CDH18: variants seen among roughly 807,000 people sequenced by gnomAD.
The protein encoded by CDH18 is cadherin 18.
A neutral mutation model predicts 67.9 loss-of-function variants in CDH18; 31 were observed. The observed-to-expected ratio is 0.46, with a 90% confidence interval of 0.34 to 0.62. The LOEUF is 0.62. Ranked by LOEUF, CDH18 falls within the 20% of genes least tolerant of loss-of-function variation. The probability of loss-of-function intolerance (pLI) is 0.01; values close to 1 mark genes in which losing one functional copy is unlikely to be tolerated. For synonymous variants in CDH18, 362 were observed against 347.2 expected (o/e 1.04, Z -0.48); for missense variants, 890 against 975.5 (o/e 0.91, Z 1.17).
intron 2 of CDH18, among the ~76,000 whole-genome samples, chr5:20,136,107 T>C (rs539941370): frequency 8.9e-4 from 135 of 152,192 alleles, no homozygotes; most frequent in Non-Finnish European, 1.7e-3. Context: ...GTCTATTAGG[T>C]CTGCTTATTG....
chr5:20,210,603 CT>C (rs1326637672), intron 2 of CDH18, among the ~76,000 whole-genome samples: 1 of 151,670 alleles, frequency 6.6e-6, no homozygotes, highest in African/African-American at 2.4e-5. Flanking sequence ...ATTAAAGGTC[CT>C]TTTTTTCTGT....
intron 2 of CDH18, among the ~76,000 whole-genome samples, chr5:20,043,329 C>A (rs1330070788): frequency 1.3e-5 from 2 of 152,112 alleles, no homozygotes; most frequent in African/African-American, 4.8e-5. Context: ...CACTGCCATT[C>A]CTTGTGCCAC....
At chr5:20,107,945 GC>G (rs1747115110) in intron 2 of CDH18, among the ~76,000 whole-genome samples, 1 of 132,282 alleles carries the variant, frequency 7.6e-6, no homozygotes, top group South Asian at 2.4e-4. Context: ...TCACACGAGG[GC>G]CTCCTTGATT....
At chr5:20,405,651 A>C (rs1180633913) in intron 1 of CDH18, among the ~76,000 whole-genome samples, 3 of 152,070 alleles carry the variant, frequency 2.0e-5, no homozygotes, top group South Asian at 4.1e-4. Context: ...TGAACAGGCA[A>C]CCTACAGAAT....
chr5:19,559,320 T>A (rs934815254), intron 8 of CDH18, among the ~76,000 whole-genome samples: 4 of 152,030 alleles, frequency 2.6e-5, no homozygotes, highest in Admixed American at 6.6e-5. Flanking sequence ...AAAAAGATAA[T>A]CCACCATGAT....
chr5:20,402,608 A>G (rs1745864551), intron 1 of CDH18, among the ~76,000 whole-genome samples: 1 of 151,990 alleles, frequency 6.6e-6, no homozygotes, highest in Non-Finnish European at 1.5e-5. Context: ...TCAGTGTACA[A>G]TAATATTGTC....
intron 5 of CDH18, among the ~76,000 whole-genome samples, chr5:19,648,265 C>T (rs1464855946): frequency 6.6e-6 from 1 of 151,180 alleles, no homozygotes; most frequent in Non-Finnish European, 1.5e-5. Flanking sequence ...AAATACAAAA[C>T]TTAGCCTGAT....
At chr5:20,295,662 C>T (rs907806507) in intron 1 of CDH18, among the ~76,000 whole-genome samples, 5 of 151,054 alleles carry the variant, frequency 3.3e-5, no homozygotes, top group Admixed American at 6.6e-5. Flanking sequence ...AGGAGGTGGA[C>T]GTTGCAGTGA....
intron 2 of CDH18, among the ~76,000 whole-genome samples, chr5:19,954,182 G>A (rs1401060254): frequency 1.3e-5 from 2 of 151,972 alleles, no homozygotes; most frequent in Non-Finnish European, 2.9e-5. Context: ...AATAATGTGT[G>A]CTGCTTTTCA....
intron 3 of CDH18, among the ~76,000 whole-genome samples, chr5:19,776,348 G>A (rs541944039): frequency 1.3e-5 from 2 of 152,254 alleles, no homozygotes; most frequent in South Asian, 4.2e-4. Flanking sequence ...CATTCTTTAT[G>A]CAAGGAGGAC....
At chr5:20,163,739 A>G (rs1736069388) in intron 2 of CDH18, among the ~76,000 whole-genome samples, 1 of 152,222 alleles carries the variant, frequency 6.6e-6, no homozygotes. Flanking sequence ...TATAAAGCAG[A>G]AATAAATATT....
At chr5:19,611,103 T>C (rs1748876777) in intron 6 of CDH18, among the ~76,000 whole-genome samples, 1 of 152,178 alleles carries the variant, frequency 6.6e-6, no homozygotes, top group African/African-American at 2.4e-5. Flanking sequence ...CTCACTGGGC[T>C]GAACACCTAA....
intron 1 of CDH18, among the ~76,000 whole-genome samples, chr5:20,498,474 A>G (rs1754043703): frequency 6.6e-6 from 1 of 152,102 alleles, no homozygotes; most frequent in Non-Finnish European, 1.5e-5. Context: ...ATAGAGAGAT[A>G]CTTATTTTAA....
In CDH18 at chr5:20,484,291, G is replaced by T. The variant is rs544452804; in HGVS notation, c.-580+91171C>A. Among the ~76,000 whole-genome samples the T allele has an allele frequency of 2.6e-5, 4 of 152,156 alleles. No individual in the cohort carries two copies. The East Asian group carries it at 7.7e-4, about 29-fold the overall frequency. ...GACAGGCAATAATAGATGCTGGCAA[G>T]GATGTGGAGAAAAGAGAATCTTTGT... On this transcript the variant is annotated intron_variant, in intron 1 of 14. Transcript: ENST00000507958.
chr5:19,545,612 T>G (rs1236619115), intron 8 of CDH18, among the ~76,000 whole-genome samples: 1 of 152,224 alleles, frequency 6.6e-6, no homozygotes, highest in Non-Finnish European at 1.5e-5. Flanking sequence ...AGACTTCTTG[T>G]TGCAGTGGCA....
chr5:20,486,416 T>G (rs941223086), intron 1 of CDH18, among the ~76,000 whole-genome samples: 2 of 152,092 alleles, frequency 1.3e-5, no homozygotes, highest in African/African-American at 4.8e-5. Flanking sequence ...ATTTATATTA[T>G]ATACATTTTA....
chr5:20,079,308 A>G (rs1744239857), intron 2 of CDH18, among the ~76,000 whole-genome samples: 1 of 152,146 alleles, frequency 6.6e-6, no homozygotes, highest in South Asian at 2.1e-4. Flanking sequence ...AAATGAGACC[A>G]TATGATATTT....
chr5:20,288,160 T>C (rs917950527), intron 1 of CDH18, among the ~76,000 whole-genome samples: 1 of 151,692 alleles, frequency 6.6e-6, no homozygotes, highest in Non-Finnish European at 1.5e-5. Context: ...GAATCTACTT[T>C]GCAATATAAA....
At chr5:20,460,983 A>G (rs968467560) in intron 1 of CDH18, among the ~76,000 whole-genome samples, 6 of 152,166 alleles carry the variant, frequency 3.9e-5, no homozygotes, top group Non-Finnish European at 8.8e-5. Context: ...TTAAAATGCA[A>G]ACACTGAGGA....
Sources: gnomAD v4.1 joint callset for allele counts (sites outside exome capture counted in the v4.1 genomes callset) on GRCh38, gnomAD v4.1.1 for gene constraint, MANE v1.5 for transcripts, NCBI Gene and HGNC (gene_info 2026-07-23, HGNC 2026-07-21) for gene names.